Variants in ZBP1 observed in about 807,000 individuals in gnomAD.
ZBP1 encodes the protein Z-DNA-binding protein 1.
A neutral mutation model predicts 41.1 loss-of-function variants in ZBP1; 42 were observed. The observed-to-expected ratio is 1.02, with a 90% CI of 0.80 to 1.32. The LOEUF is 1.32. ZBP1 is among the 40% of genes most tolerant of loss of function. The pLI, the probability that ZBP1 is intolerant of heterozygous loss-of-function variation, is 0.00. For missense variants in ZBP1, 562 were observed against 549.7 expected, an observed-to-expected ratio of 1.02 and a Z score of -0.22; for synonymous variants, 214 against 205.2, an observed-to-expected ratio of 1.04 and a Z score of -0.37.
chr20:57,606,346 A>G lies in ZBP1; in HGVS notation c.1094-1577T>C, dbSNP rs574600204. Among the ~76,000 whole-genome samples the G allele has an allele frequency of 1.4e-4, 22 of 152,354 alleles. No homozygotes were observed. In the East Asian group the frequency reaches 4.0e-3, roughly 28 times the overall value. On this transcript the variant is annotated intron_variant, in intron 7 of 7. Coordinates refer to ENST00000371173, the MANE Select transcript of ZBP1 (RefSeq NM_030776.3). ...AGGAAGCTGCAGAAGAATAGTTGGAAGTGAGCAGAGGTTGGTTCATGAGGT... is the reference window on the plus strand; with the variant it reads ...AGGAAGCTGCAGAAGAATAGTTGGAGGTGAGCAGAGGTTGGTTCATGAGGT...
At chr20:57,615,415 G>A in intron 3 of ZBP1, 97 bp downstream of exon 3, 1 of 1,359,642 alleles carries the variant, frequency 7.4e-7, no homozygotes, top group Non-Finnish European at 1.0e-6. Context: ...CAGGGCCCCT[G>A]AACACTGGTG....
At chr20:57,612,972 C>A (rs1428666360) in intron 5 of ZBP1, 191 bp downstream of exon 5, 3 of 1,436,502 alleles carry the variant, frequency 2.1e-6, no homozygotes, top group Non-Finnish European at 2.7e-6. Context: ...ACAGGGAAAT[C>A]AGGAGAGCTT....
At chr20:57,614,733 T>C (rs559797856) in intron 4 of ZBP1, among the ~76,000 whole-genome samples, 154 bp downstream of exon 4, 1 of 152,312 alleles carries the variant, frequency 6.6e-6, no homozygotes, top group African/African-American at 2.4e-5. Flanking sequence ...AGCACACCCC[T>C]TCCTCCTGGA....
At chr20:57,608,975 T>C (rs533096954) in intron 7 of ZBP1, among the ~76,000 whole-genome samples, 1 of 147,270 alleles carries the variant, frequency 6.8e-6, no homozygotes, top group Non-Finnish European at 1.5e-5. Context: ...CTTCTAATTC[T>C]TTTTTCACAT....
intron 2 of ZBP1, 36 bp from the exon 3 acceptor site, chr20:57,615,616 C>CAGAA (rs1568938264): frequency 6.3e-7 from 1 of 1,587,824 alleles, no homozygotes; most frequent in Non-Finnish European, 8.6e-7. Context: ...GGGTGGGGGA[C>CAGAA]AGAAGACAGC....
Position 57,610,275 on chromosome 20 carries a change from G to A in ZBP1, c.967C>T (p.His323Tyr). 6.2e-7 allele frequency: 1 copy of A among 1,614,174 alleles called. No individual in the cohort carries two copies. The highest frequency in any genetic ancestry group is 1.3e-5 in the African/African-American group (1 of 75,036). ...TCCTCGAGAAAGCACGATTTCATGT[G>A]GATTCTCTGGGCGGCTTCCCCCTCA... ...HPEGEAAQRIHMKSCFLEDAT... is the reference protein window; with the variant it reads ...HPEGEAAQRIYMKSCFLEDAT... Residue 323 changes from histidine (H) to tyrosine (Y), a missense_variant, in exon 7 of 8, where the codon CAC becomes TAC. Physicochemically the swap from His to Tyr is moderately conservative, Grantham distance 83. Transcript: ENST00000371173. This position sits in a 1 kb window ranked among gnomAD's most constrained non-coding sequence, Gnocchi z 5.5.
chr20:57,615,132 G>C, intron 3 of ZBP1, 72 bp from the exon 4 acceptor site: 1 of 1,543,620 alleles, frequency 6.5e-7, no homozygotes, highest in South Asian at 1.2e-5. Context: ...CTTCCTAGCT[G>C]TGTGGCCCTG....
intron 2 of ZBP1, 97 bp downstream of exon 2, chr20:57,616,147 G>T (rs2070818181): frequency 8.8e-7 from 1 of 1,135,726 alleles, no homozygotes; most frequent in Non-Finnish European, 1.3e-6. Context: ...CTCCCATGTG[G>T]CAGAGTTCAG....
At chr20:57,605,668 G>A (rs142312000) in intron 7 of ZBP1, among the ~76,000 whole-genome samples, 2,793 of 152,240 alleles carry the variant, frequency 0.018, 44 homozygotes, top group South Asian at 0.034. Context: ...GGCGCCGTGG[G>A]TCACACCTAG....
At chr20:57,605,853 GA>G (rs1260140951) in intron 7 of ZBP1, among the ~76,000 whole-genome samples, 1 of 152,140 alleles carries the variant, frequency 6.6e-6, no homozygotes, top group Non-Finnish European at 1.5e-5. Flanking sequence ...AGAATCCCTT[GA>G]ACCTGGGAGG....
chr20:57,604,192 A>C lies in ZBP1; in HGVS notation c.*381T>G. ...CCAGTTGGGATTATGTTTTGATATGAATTTTGTTGGGACTCAAACATTCAA... is the reference window on the plus strand; with the variant it reads ...CCAGTTGGGATTATGTTTTGATATGCATTTTGTTGGGACTCAAACATTCAA... On this transcript the variant is annotated 3_prime_UTR_variant, in exon 8 of 8. Transcript: ENST00000371173. 1 of 361,954 alleles carries C rather than the reference A, an allele frequency of 2.8e-6. No homozygotes were observed. Among genetic ancestry groups the C allele is most frequent in the Non-Finnish European group, 5.4e-6 (1 of 184,958 alleles). 22.4% of individuals were successfully genotyped at this position (361,954 alleles called of 1,614,324 possible). A position where few individuals can be genotyped will look rare whatever the true frequency, so the allele number is the denominator to read the frequency against.
chr20:57,618,826 G>A (rs559408284), intron 1 of ZBP1, among the ~76,000 whole-genome samples: 1 of 152,202 alleles, frequency 6.6e-6, no homozygotes, highest in African/African-American at 2.4e-5. Context: ...GGTGATCCCC[G>A]CAACTCAGCC....
chr20:57,615,076 G>C lies in ZBP1; in HGVS notation c.329-16C>G. 1 of 1,613,970 alleles carries C rather than the reference G, an allele frequency of 6.2e-7. No homozygotes were observed. Among genetic ancestry groups the C allele is most frequent in the Non-Finnish European group, 8.5e-7 (1 of 1,179,896 alleles). On this transcript the variant is annotated splice_polypyrimidine_tract_variant and intron_variant, in intron 3 of 7. Transcript: ENST00000371173. ...ATGTCTTCCTCTGGGAGGCAGGATGGCCAGGTGGTTAGGGAGTAGTCCTAG... is the reference window on the plus strand; with the variant it reads ...ATGTCTTCCTCTGGGAGGCAGGATGCCCAGGTGGTTAGGGAGTAGTCCTAG...
chr20:57,616,579 C>A, intron 1 of ZBP1, 111 bp from the exon 2 acceptor site: 1 of 1,135,470 alleles, frequency 8.8e-7, no homozygotes, highest in South Asian at 1.4e-5. Context: ...GAGAGGGGTC[C>A]AGGGCAGAGG....
Position 57,609,518 on chromosome 20 carries a change from C to T in ZBP1, c.1093+631G>A, listed in dbSNP as rs533668020. Among the ~76,000 whole-genome samples, 44 of 151,948 alleles carry T rather than the reference C, an allele frequency of 2.9e-4. No individual in the cohort carries two copies. The East Asian group carries it at 7.9e-3, about 27-fold the overall frequency. On this transcript the variant is annotated intron_variant, in intron 7 of 7. Coordinates refer to ENST00000371173, the MANE Select transcript of ZBP1 (RefSeq NM_030776.3). ...GGCTTGGTCAAAGACAACAGCGGCT[C>T]TCTGTACCCTCTCTCGCCCCTCTGC...
rs374478840 is a variant in ZBP1 at position 57,613,143 on chromosome 20, G to C, written c.670+20C>G. ...GCTCCCCACCGAGGTCCCCTCCCTG[G>C]GCTCTCTTGGGTGACTTACCGTCCT... On this transcript the variant is annotated intron_variant, in intron 5 of 7. Coordinates refer to ENST00000371173, the MANE Select transcript of ZBP1 (RefSeq NM_030776.3). This position sits in a 1 kb window ranked among gnomAD's most constrained non-coding sequence, Gnocchi z 4.5. 6.9e-5 allele frequency: 111 copies of C among 1,613,956 alleles called. No homozygotes were observed. The African/African-American group carries it at 1.3e-3, about 19-fold the overall frequency.
chr20:57,619,518 C>T (rs2070941806), intron 1 of ZBP1, among the ~76,000 whole-genome samples: 2 of 152,198 alleles, frequency 1.3e-5, no homozygotes, highest in African/African-American at 2.4e-5. Flanking sequence ...TGCAACTCTT[C>T]CAGGAATAAA....
Position 57,604,437 on chromosome 20 carries a change from A to G in ZBP1, c.*136T>C. ...ATCCCCATGCCAGGTCCATTCCCCC[A>G]AAACTGATTCATGCAGGTTATGTCT... On this transcript the variant is annotated 3_prime_UTR_variant, in exon 8 of 8. Coordinates refer to ENST00000371173, the MANE Select transcript of ZBP1 (RefSeq NM_030776.3). 1 of 1,162,794 alleles carries G rather than the reference A, an allele frequency of 8.6e-7. No individual in the cohort carries two copies. Among genetic ancestry groups the G allele is most frequent in the Non-Finnish European group, 1.3e-6 (1 of 785,172 alleles). The allele number at this position is 1,162,794 out of a possible 1,614,324, so 72.0% of individuals were successfully genotyped here. A position where few individuals can be genotyped will look rare whatever the true frequency, so the allele number is the denominator to read the frequency against.
intron 7 of ZBP1, among the ~76,000 whole-genome samples, chr20:57,605,507 G>T (rs6025653): frequency 0.68 from 103,355 of 152,098 alleles, 35,554 homozygotes; most frequent in East Asian, 0.91. Context: ...ATCACCTGTA[G>T]AAGATGACGA....
Sources: gnomAD v4.1 joint callset for allele counts (sites outside exome capture counted in the v4.1 genomes callset) on GRCh38, gnomAD v4.1.1 for gene constraint, Gnocchi (gnomAD v3.1) non-coding constraint, MANE v1.5 for transcripts, NCBI Gene and HGNC (gene_info 2026-07-23, HGNC 2026-07-21) for gene names.